Variants in RHOBTB2 observed in about 807,000 individuals in gnomAD.
The protein encoded by RHOBTB2 is rho-related BTB domain-containing protein 2.
A neutral mutation model predicts 66.5 loss-of-function variants in RHOBTB2; 39 were observed. The ratio of observed to expected loss-of-function variants is 0.59; its 90% CI spans 0.45 to 0.77. The LOEUF is 0.77. Among genes scored for constraint, RHOBTB2 ranks in the 30% least tolerant of loss-of-function variants. RHOBTB2 has a pLI of 0.00. For missense variants in RHOBTB2, 755 were observed against 999.1 expected (o/e 0.76, Z 3.29); for synonymous variants, 390 against 395.0 (o/e 0.99, Z 0.15).
upstream of RHOBTB2, chr8:22,995,859 G>A (rs1049874440): frequency 2.7e-5 from 42 of 1,551,596 alleles, no homozygotes; most frequent in Non-Finnish European, 3.6e-5. Flanking sequence ...TAGTGTTCCA[G>A]GAGAGGGGTG....
In RHOBTB2 at chr8:22,999,910, G is replaced by A. The variant is rs1483543401; in HGVS notation, c.-206G>A. On this transcript the variant is annotated 5_prime_UTR_variant, in exon 1 of 10. Transcript: ENST00000251822. ...GCGTCCGCTCCTGGGCCCACGTCCG[G>A]CCTGGGCTGCCCTGCCGGAGTTTCT... 1.0e-6 allele frequency: 1 copy of A among 985,294 alleles called. No individual in the cohort carries two copies. The highest frequency in any genetic ancestry group is 1.2e-6 in the Non-Finnish European group (1 of 829,894). 61.0% of individuals were successfully genotyped at this position (985,294 alleles called of 1,614,324 possible). A position where few individuals can be genotyped will look rare whatever the true frequency, so the allele number is the denominator to read the frequency against.
At position 22,999,764 on chromosome 8, in the gene RHOBTB2, G is replaced by T; in HGVS notation, c.-352G>T. The T allele has an allele frequency of 1.0e-6, 1 of 992,518 alleles. No individual in the cohort carries two copies. 61.5% of individuals were successfully genotyped at this position (992,518 alleles called of 1,614,324 possible). On this transcript the variant is annotated 5_prime_UTR_variant, in exon 1 of 10. Coordinates refer to ENST00000251822, the MANE Select transcript of RHOBTB2 (RefSeq NM_015178.3). ...GCGGCGGCGGCCTCGCCCCTCTCCC[G>T]GCGCCCCTGCGCGCCGCCCGCTGCC...
chr8:23,007,267 G>T lies in RHOBTB2; in HGVS notation c.1022G>T (p.Arg341Leu). 6.2e-7 allele frequency: 1 copy of T among 1,613,032 alleles called. No individual in the cohort carries two copies. Among genetic ancestry groups the T allele is most frequent in the Non-Finnish European group, 8.5e-7 (1 of 1,179,952 alleles). The change falls in exon 5 of 10, where the codon CGA becomes CTA. Residue 341 changes from arginine (R) to leucine (L), a missense_variant. Physicochemically the swap from Arg to Leu is moderately radical, Grantham distance 102. Transcript: ENST00000251822. ...CACCATGGGCGAGACTTCCTGCTCC[G>T]AGCAGCCAGCTTTGACGTGTGCGAG... ...HHHHGRDFLLRAASFDVCESV... is the reference protein window; with the variant it reads ...HHHHGRDFLLLAASFDVCESV...
At chr8:22,969,084 G>T in the RHOBTB2 span, among the ~76,000 whole-genome samples, 1 of 152,308 alleles carries the variant, frequency 6.6e-6, no homozygotes, top group East Asian at 1.9e-4. Flanking sequence ...TGGACTCACA[G>T]TTCCACATGG....
the RHOBTB2 span, among the ~76,000 whole-genome samples, chr8:22,953,664 A>C: frequency 6.6e-6 from 1 of 152,026 alleles, no homozygotes; most frequent in Admixed American, 6.5e-5. Flanking sequence ...ACTGCATTTT[A>C]GCACTGAGTG....
chr8:22,960,086 G>A, the RHOBTB2 span, among the ~76,000 whole-genome samples: 2 of 150,896 alleles, frequency 1.3e-5, no homozygotes, highest in African/African-American at 2.4e-5. Context: ...GGGAAGCTGA[G>A]GCAGGAGAAT....
At chr8:23,008,167 CA>C (rs1303595316) in intron 6 of RHOBTB2, 56 bp downstream of exon 6, 1 of 1,200,576 alleles carries the variant, frequency 8.3e-7, no homozygotes, top group Non-Finnish European at 1.2e-6. Context: ...GCACCCTTTA[CA>C]TCTGAGGCAC....
rs568004649 is a variant in RHOBTB2, at chr8:22,988,245, C to T, written c.-137+682C>T. Among the ~76,000 whole-genome samples the T allele has an allele frequency of 8.6e-5, 13 of 151,254 alleles. No homozygotes were observed. The East Asian group carries it at 9.8e-4, about 11-fold the overall frequency. On this transcript the variant is annotated intron_variant, in intron 1 of 11. Transcript: ENST00000519685. ...CGCAATCTCGGCCCACTGCAAACTC[C>T]GCCTCCCGAATTCAAGTGATTCTCC...
At chr8:22,986,962 C>T (rs1810299775), upstream of RHOBTB2, among the ~76,000 whole-genome samples, 1 of 152,360 alleles carries the variant, frequency 6.6e-6, no homozygotes, top group Admixed American at 6.5e-5. Flanking sequence ...CATCAACCAG[C>T]AACCACCCCT....
the RHOBTB2 span, among the ~76,000 whole-genome samples, chr8:22,968,542 C>T: frequency 6.6e-6 from 1 of 151,948 alleles, no homozygotes; most frequent in Non-Finnish European, 1.5e-5. Flanking sequence ...GTCAATGTGG[C>T]AGAATATTCA....
the RHOBTB2 span, among the ~76,000 whole-genome samples, chr8:22,980,885 C>T: frequency 6.6e-6 from 1 of 152,186 alleles, no homozygotes; most frequent in East Asian, 1.9e-4. Flanking sequence ...ACCCCATAGC[C>T]GTGACCCAAA....
the RHOBTB2 span, among the ~76,000 whole-genome samples, chr8:22,969,593 C>T: frequency 1.3e-5 from 2 of 152,020 alleles, no homozygotes; most frequent in Non-Finnish European, 2.9e-5. Flanking sequence ...TACATAATGC[C>T]TATCAAAAGC....
the RHOBTB2 span, among the ~76,000 whole-genome samples, chr8:22,961,117 G>A: frequency 6.6e-6 from 1 of 152,074 alleles, no homozygotes; most frequent in Non-Finnish European, 1.5e-5. Flanking sequence ...GCCCAGGCTA[G>A]TCTTGAACTC....
the RHOBTB2 span, among the ~76,000 whole-genome samples, chr8:22,958,538 C>T: frequency 6.6e-6 from 1 of 152,044 alleles, no homozygotes; most frequent in Non-Finnish European, 1.5e-5. Context: ...GTGGCTCATG[C>T]CTGTAATCAC....
Position 23,004,599 on chromosome 8 carries a change from C to T in RHOBTB2, c.165C>T (p.Ala55=), listed in dbSNP as rs751223771. 6.2e-7 allele frequency: 1 copy of T among 1,613,934 alleles called. No individual in the cohort carries two copies. The highest frequency in any genetic ancestry group is 1.1e-5 in the South Asian group (1 of 91,072). The change falls in exon 2 of 10, where the codon GCC becomes GCT. Residue 55 remains alanine (A), a synonymous_variant. Transcript: ENST00000251822. This position sits in a 1 kb window ranked among gnomAD's most constrained non-coding sequence, Gnocchi z 6.4. The part of the protein sequence containing the change: ...LLATHVPTVW[A]IDQYRVCQEV... ...CCACGCATGTGCCCACAGTATGGGC[C>T]ATCGACCAATATCGTGTGTGCCAGG...
chr8:22,991,099 G>A (rs1285366681), intron 1 of RHOBTB2, among the ~76,000 whole-genome samples: 1 of 152,164 alleles, frequency 6.6e-6, no homozygotes, highest in East Asian at 1.9e-4. Context: ...ATTCCCGTGG[G>A]TGAGCTCAGA....
At chr8:23,016,242 A>T (rs1811288855) in intron 9 of RHOBTB2, among the ~76,000 whole-genome samples, 1 of 151,194 alleles carries the variant, frequency 6.6e-6, no homozygotes, top group Non-Finnish European at 1.5e-5. Flanking sequence ...CTCCAGGGAG[A>T]GGTGTCCCTG....
Position 23,015,722 on chromosome 8 carries a change from G to A in RHOBTB2, c.1945G>A (p.Asp649Asn). Residue 649 changes from aspartate to asparagine, a missense_variant, in exon 9 of 10, where the codon GAC becomes AAC. By Grantham distance (23) the Asp-to-Asn change is conservative (BLOSUM62 1). This residue lies in a region of RHOBTB2 where 353 missense variants were observed against 458.2 expected (regional missense o/e 0.77). Coordinates refer to ENST00000251822, the MANE Select transcript of RHOBTB2 (RefSeq NM_015178.3). ...CAACGTGTGCCGCAAGTTCCCCCGA[G>A]ACATGAAGGCCATGTCCCCAGGTGA... is the stretch of plus-strand genomic sequence containing the variant. ...YNNVCRKFPR[D>N]MKAMSPENQE... The A allele has an allele frequency of 6.2e-7, 1 of 1,613,624 alleles. No homozygotes were observed. The highest frequency in any genetic ancestry group is 1.7e-4 in the Middle Eastern group (1 of 6,060).
At chr8:23,012,799 T>A (rs1005790172) in intron 7 of RHOBTB2, among the ~76,000 whole-genome samples, 2 of 152,018 alleles carry the variant, frequency 1.3e-5, no homozygotes, top group East Asian at 1.9e-4. Flanking sequence ...TTAAATTTAT[T>A]TTTATTTATT....
Sources: allele counts gnomAD v4.1 joint callset (sites outside exome capture counted in the v4.1 genomes callset), GRCh38; gene constraint gnomAD v4.1.1; regional missense constraint gnomAD v4.1.1; non-coding constraint Gnocchi (gnomAD v3.1); transcripts MANE v1.5; gene names NCBI Gene and HGNC (gene_info 2026-07-23, HGNC 2026-07-21).